The following TACR1 variants were observed in gnomAD, a reference collection of about 807,000 sequenced individuals.
The protein encoded by TACR1 is substance-P receptor.
A neutral mutation model predicts 35.8 loss-of-function variants in TACR1; 25 were observed. The ratio of observed to expected loss-of-function variants is 0.70; its 90% CI spans 0.51 to 0.98. The LOEUF (loss-of-function observed/expected upper bound fraction) is 0.98, where lower values mean the gene tolerates loss of function less well. TACR1 is among the 50% of genes least tolerant of loss of function. The pLI, the probability that TACR1 is intolerant of heterozygous loss-of-function variation, is 0.00. For synonymous variants in TACR1, 195 were observed against 206.7 expected (o/e 0.94, Z 0.48); for missense variants, 478 against 522.9 (o/e 0.91, Z 0.84).
chr2:75,083,642 T>G (rs1241650523), intron 2 of TACR1, among the ~76,000 whole-genome samples: 8 of 152,116 alleles, frequency 5.3e-5, no homozygotes, highest in African/African-American at 9.7e-5. Flanking sequence ...GGTCCTTCAC[T>G]TCCCTTGTAA....
chr2:75,132,842 G>T lies in TACR1; in HGVS notation c.390-12074C>A, dbSNP rs556180558. Reference sequence around the variant, plus strand: ...AGACCAACCAACTTAAATGAATTTGGTCTGCATCCCCATGTGAGGATACTT... The same window carrying T: ...AGACCAACCAACTTAAATGAATTTGTTCTGCATCCCCATGTGAGGATACTT... On this transcript the variant is annotated intron_variant, in intron 1 of 4. Coordinates refer to ENST00000305249, the MANE Select transcript of TACR1 (RefSeq NM_001058.4). 2.4e-4 allele frequency among the ~76,000 whole-genome samples: 37 copies of T among 152,270 alleles called. No homozygotes were observed. In the South Asian group the frequency reaches 7.5e-3, roughly 31 times the overall value.
intron 1 of TACR1, among the ~76,000 whole-genome samples, chr2:75,134,334 A>G (rs1343277197): frequency 1.3e-5 from 2 of 152,126 alleles, no homozygotes; most frequent in Non-Finnish European, 2.9e-5. Context: ...CCTGCTTTTT[A>G]ACTCACTCAT....
rs539740085 is a variant in TACR1 at position 75,118,702 on chromosome 2, C to T, written c.584+1872G>A. ...TTAAAGAACTATGAGTATTTTGAAACAAAAGTTGTAGAAAGTGATCAGATT... is the reference window on the plus strand; with the variant it reads ...TTAAAGAACTATGAGTATTTTGAAATAAAAGTTGTAGAAAGTGATCAGATT... On this transcript the variant is annotated intron_variant, in intron 2 of 4. Transcript: ENST00000305249. The T allele has an allele frequency of 2.6e-5, 4 of 152,130 alleles. No homozygotes were observed. In the East Asian group the frequency reaches 5.8e-4, roughly 22 times the overall value. 9.4% of individuals were successfully genotyped at this position (152,130 alleles called of 1,614,324 possible). A position where few individuals can be genotyped will look rare whatever the true frequency, so the allele number is the denominator to read the frequency against.
At chr2:75,174,015 C>G (rs967596289) in intron 1 of TACR1, among the ~76,000 whole-genome samples, 1 of 152,190 alleles carries the variant, frequency 6.6e-6, no homozygotes, top group Non-Finnish European at 1.5e-5. Context: ...CAATCATTCT[C>G]TTTGCTTCAC....
chr2:75,053,143 A>C (rs961955088), intron 3 of TACR1, among the ~76,000 whole-genome samples: 1 of 152,176 alleles, frequency 6.6e-6, no homozygotes, highest in Non-Finnish European at 1.5e-5. Flanking sequence ...CCATCACTGC[A>C]AAGAAACTCA....
intron 1 of TACR1, among the ~76,000 whole-genome samples, chr2:75,129,857 A>G (rs947003693): frequency 2.0e-5 from 3 of 152,156 alleles, no homozygotes; most frequent in Non-Finnish European, 4.4e-5. Flanking sequence ...CAGAAAACTT[A>G]AAGCAGAGGC....
chr2:75,085,200 G>T (rs943285876), intron 2 of TACR1, among the ~76,000 whole-genome samples: 1 of 151,978 alleles, frequency 6.6e-6, no homozygotes, highest in East Asian at 1.9e-4. Flanking sequence ...TGCATCACAA[G>T]GTCCAAAGAA....
intron 1 of TACR1, among the ~76,000 whole-genome samples, chr2:75,180,859 A>G (rs562732891): frequency 1.2e-4 from 19 of 152,364 alleles, no homozygotes; most frequent in Middle Eastern, 3.4e-3. Flanking sequence ...GTGGCAATAT[A>G]TAACTGATAC....
At chr2:75,145,466 T>A (rs1674488053) in intron 1 of TACR1, among the ~76,000 whole-genome samples, 1 of 152,102 alleles carries the variant, frequency 6.6e-6, no homozygotes, top group African/African-American at 2.4e-5. Context: ...TGATAGCTTA[T>A]CTAAAAAACC....
chr2:75,194,512 G>C (rs570443180), intron 1 of TACR1, among the ~76,000 whole-genome samples: 3 of 152,334 alleles, frequency 2.0e-5, no homozygotes, highest in African/African-American at 7.2e-5. Context: ...CAAGGATAGA[G>C]TGCAGGTCTA....
At chr2:75,145,574 C>A (rs1358469681) in intron 1 of TACR1, among the ~76,000 whole-genome samples, 1 of 152,120 alleles carries the variant, frequency 6.6e-6, no homozygotes, top group Non-Finnish European at 1.5e-5. Context: ...TATATAACAG[C>A]ATAGCCATTT....
intron 2 of TACR1, among the ~76,000 whole-genome samples, chr2:75,077,539 T>C (rs1041812298): frequency 1.3e-5 from 2 of 152,220 alleles, no homozygotes; most frequent in African/African-American, 4.8e-5. Flanking sequence ...AACAACACAA[T>C]ACACAAACAT....
intron 2 of TACR1, among the ~76,000 whole-genome samples, chr2:75,111,671 G>C (rs886740686): frequency 2.0e-5 from 3 of 151,962 alleles, no homozygotes; most frequent in African/African-American, 7.2e-5. Flanking sequence ...GATGGGAAAG[G>C]ATATCCAAGA....
At chr2:75,079,080 A>G (rs1176430747) in intron 2 of TACR1, among the ~76,000 whole-genome samples, 1 of 152,176 alleles carries the variant, frequency 6.6e-6, no homozygotes, top group East Asian at 1.9e-4. Context: ...CTATACCATT[A>G]ATTTCCAGGA....
Position 75,049,662 on chromosome 2 carries a change from C to T in TACR1, c.994G>A (p.Glu332Lys), listed in dbSNP as rs200374832. 3.1e-6 allele frequency: 5 copies of T among 1,614,144 alleles called. No individual in the cohort carries two copies. The highest frequency in any genetic ancestry group is 8.5e-7 in the Non-Finnish European group (1 of 1,180,022). ...CGGGTGGATTTCATTTCCAGCCCCT[C>T]ATAGTCGCCGGCGCTGATGAAGGGG... is the stretch of plus-strand genomic sequence containing the variant. ...CCPFISAGDY[E>K]GLEMKSTRYL... Residue 332 changes from glutamate (E) to lysine (K), a missense_variant, in exon 5 of 5, where the codon GAG becomes AAG. Physicochemically the swap from Glu to Lys is moderately conservative, Grantham distance 56 (BLOSUM62 1). Transcript: ENST00000305249.
chr2:75,160,261 A>G (rs1266750583), intron 1 of TACR1, among the ~76,000 whole-genome samples: 1 of 152,128 alleles, frequency 6.6e-6, no homozygotes, highest in Non-Finnish European at 1.5e-5. Context: ...AAAAAATGAA[A>G]TTGATGACAA....
intron 1 of TACR1, among the ~76,000 whole-genome samples, chr2:75,158,088 G>A (rs1221127644): frequency 6.6e-6 from 1 of 152,212 alleles, no homozygotes; most frequent in East Asian, 1.9e-4. Context: ...AAAGATCATA[G>A]AGATGGTTAA....
chr2:75,180,534 T>TGCA (rs1408200877), intron 1 of TACR1, among the ~76,000 whole-genome samples: 2 of 152,150 alleles, frequency 1.3e-5, no homozygotes, highest in African/African-American at 4.8e-5. Context: ...AGAAGGTGCT[T>TGCA]GCATGTGTCT....
At chr2:75,181,310 T>A (rs1263681484) in intron 1 of TACR1, among the ~76,000 whole-genome samples, 2 of 152,098 alleles carry the variant, frequency 1.3e-5, no homozygotes, top group South Asian at 4.1e-4. Context: ...TTTCCAAAAT[T>A]TCCTTTAAAA....
Sources: allele counts gnomAD v4.1 joint callset (sites outside exome capture counted in the v4.1 genomes callset), GRCh38; gene constraint gnomAD v4.1.1; transcripts MANE v1.5; gene names NCBI Gene and HGNC (gene_info 2026-07-23, HGNC 2026-07-21).